The following SMYD1 variants were observed in gnomAD, a reference collection of about 807,000 sequenced individuals.
SMYD1 encodes SET and MYND domain containing 1, also known as histone-lysine N-methyltransferase SMYD1.
Under a neutral mutation model 54.0 loss-of-function variants are expected in SMYD1, and 49 were observed. The ratio of observed to expected loss-of-function variants is 0.91; its 90% CI spans 0.72 to 1.15. SMYD1 has a LOEUF of 1.15. Among genes scored for constraint, SMYD1 ranks in the 50% most tolerant of loss-of-function variants. The pLI is 0.00. For synonymous variants in SMYD1, 269 were observed against 234.2 expected, an observed-to-expected ratio of 1.15 and a Z score of -1.36; for missense variants, 653 against 639.6, an observed-to-expected ratio of 1.02 and a Z score of -0.23.
At chr2:88,110,113 G>C (rs1267521988) in intron 9 of SMYD1, among the ~76,000 whole-genome samples, 1 of 152,014 alleles carries the variant, frequency 6.6e-6, no homozygotes, top group Non-Finnish European at 1.5e-5. Flanking sequence ...TTCTGAGAAC[G>C]GTTCCTTCAG....
Position 88,088,099 on chromosome 2 carries a change from C to T in SMYD1, c.528+24C>T, listed in dbSNP as rs762083199. The T allele has an allele frequency of 1.0e-5, 16 of 1,587,788 alleles. No individual in the cohort carries two copies. In the Admixed American group the frequency reaches 2.4e-4, roughly 24 times the overall value. On this transcript the variant is annotated intron_variant, in intron 3 of 9. Transcript: ENST00000419482. ...TGGTAGGCCCCCTGCGTCCCTTCTC[C>T]ATCCTCCCTGTCTGTCTCCTCTTTC...
rs916857176 is a variant in SMYD1, at chr2:88,112,984, G to C, written c.*2472G>C. ...GATGATTCTCAAATCTGTATTCCCC[G>C]ATCTTGCATTTGAGCTCCAGCCCCA... On this transcript the variant is annotated 3_prime_UTR_variant, in exon 10 of 10. Coordinates refer to ENST00000419482, the MANE Select transcript of SMYD1 (RefSeq NM_198274.4). 1 of 152,074 alleles carries C rather than the reference G, an allele frequency of 6.6e-6. No individual in the cohort carries two copies. Among genetic ancestry groups the C allele is most frequent in the African/African-American group, 2.4e-5 (1 of 41,394 alleles). 9.4% of individuals were successfully genotyped at this position (152,074 alleles called of 1,614,324 possible). A position where few individuals can be genotyped will look rare whatever the true frequency, so the allele number is the denominator to read the frequency against.
At chr2:88,071,004 A>G (rs758758669) in intron 1 of SMYD1, among the ~76,000 whole-genome samples, 1 of 151,658 alleles carries the variant, frequency 6.6e-6, no homozygotes, top group Non-Finnish European at 1.5e-5. Context: ...ATTTCTAAAC[A>G]ATGTATAATT....
rs1674868451 is a variant in SMYD1 at position 88,106,358 on chromosome 2, C to T, written c.1015C>T (p.Gln339Ter). Residue 339 changes from glutamine to a stop codon, truncating the protein, a stop_gained, in exon 8 of 10, where the codon CAG becomes TAG. Transcript: ENST00000419482. LOFTEE classifies it high-confidence loss of function. ...VKLCRECLEK[Q>*]EPVFADTNIY... The stretch of plus-strand genomic sequence containing the variant: ...ATTATGCCGGGAGTGCCTGGAGAAG[C>T]AGGAGCCAGTGTTTGCTGACACCAA... The T allele has an allele frequency of 1.9e-6, 3 of 1,614,174 alleles. No homozygotes were observed. The highest frequency in any genetic ancestry group is 2.5e-6 in the Non-Finnish European group (3 of 1,180,036).
At chr2:88,097,253 A>G (rs1011861224) in intron 6 of SMYD1, among the ~76,000 whole-genome samples, 2 of 152,104 alleles carry the variant, frequency 1.3e-5, no homozygotes, top group Non-Finnish European at 2.9e-5. Context: ...CAGTGTGGAG[A>G]CAGGGCTAGG....
At chr2:88,107,158 G>A (rs867214654) in intron 8 of SMYD1, among the ~76,000 whole-genome samples, 7 of 151,936 alleles carry the variant, frequency 4.6e-5, no homozygotes, top group East Asian at 1.9e-4. Context: ...CCTAGACTGC[G>A]CCACTGCACT....
intron 1 of SMYD1, among the ~76,000 whole-genome samples, chr2:88,080,043 CCTT>C (rs1558848291): frequency 6.6e-6 from 1 of 152,138 alleles, no homozygotes; most frequent in East Asian, 1.9e-4. Flanking sequence ...ATTCTGAGGA[CCTT>C]TGGTTATACA....
At chr2:88,096,805 G>A (rs1674600688) in intron 6 of SMYD1, 21 bp downstream of exon 6, 1 of 1,603,674 alleles carries the variant, frequency 6.2e-7, no homozygotes, top group South Asian at 1.1e-5. Flanking sequence ...CCCTGCTGCT[G>A]AGGTGTTTGT....
At chr2:88,097,277 A>G (rs73947538) in intron 6 of SMYD1, among the ~76,000 whole-genome samples, 10,774 of 152,216 alleles carry the variant, frequency 0.071, 1,214 homozygotes, top group African/African-American at 0.24. Context: ...AGATTGGTCA[A>G]CATCCTGAAC....
At chr2:88,080,069 G>T (rs941276395) in intron 1 of SMYD1, among the ~76,000 whole-genome samples, 2 of 152,210 alleles carry the variant, frequency 1.3e-5, no homozygotes, top group African/African-American at 4.8e-5. Context: ...CAGCCATGTG[G>T]ACTCAACTAC....
chr2:88,108,434 C>T lies in SMYD1; in HGVS notation c.1209C>T (p.Asn403=), dbSNP rs776538766. ...GMAVMRAGLT[N]WHAGNIEVGH... ...CCGTGATGCGGGCAGGGCTGACCAA[C>T]TGGCATGCTGGTAACATTGAGGTGG... Residue 403 remains asparagine, a synonymous_variant, in exon 9 of 10, where the codon AAC becomes AAT. Transcript: ENST00000419482. The T allele has an allele frequency of 6.2e-7, 1 of 1,613,202 alleles. No homozygotes were observed. The highest frequency in any genetic ancestry group is 8.5e-7 in the Non-Finnish European group (1 of 1,179,614).
chr2:88,104,904 C>T lies in SMYD1; in HGVS notation c.982-1421C>T, dbSNP rs534863448. 5.3e-5 allele frequency among the ~76,000 whole-genome samples: 8 copies of T among 152,340 alleles called. No individual in the cohort carries two copies. The South Asian group carries it at 1.7e-3, about 32-fold the overall frequency. On this transcript the variant is annotated intron_variant, in intron 7 of 9. Coordinates refer to ENST00000419482, the MANE Select transcript of SMYD1 (RefSeq NM_198274.4). ...CGATTGCGGTCAGGTCCATCTTTTT[C>T]CTCACCAGGGCCAAGGCTGCATCCT...
intron 4 of SMYD1, among the ~76,000 whole-genome samples, chr2:88,092,605 A>G (rs1369372168): frequency 6.6e-6 from 1 of 152,228 alleles, no homozygotes; most frequent in African/African-American, 2.4e-5. Context: ...GCTCTTAAGT[A>G]ATTGAGAAAG....
At chr2:88,093,038 G>C (rs1000441322) in intron 4 of SMYD1, among the ~76,000 whole-genome samples, 1 of 152,184 alleles carries the variant, frequency 6.6e-6, no homozygotes, top group Non-Finnish European at 1.5e-5. Context: ...ATGGGGTTAG[G>C]GGCCCAATTT....
chr2:88,070,594 G>A (rs1673924358), intron 1 of SMYD1, among the ~76,000 whole-genome samples: 1 of 151,910 alleles, frequency 6.6e-6, no homozygotes. Context: ...CCTGTTGCAT[G>A]CCTGCTCCAA....
At chr2:88,102,271 T>C (rs1674738451) in intron 6 of SMYD1, among the ~76,000 whole-genome samples, 2 of 152,230 alleles carry the variant, frequency 1.3e-5, no homozygotes, top group South Asian at 4.1e-4. Context: ...TTTGAGAAAT[T>C]TGGCTCTTTT....
Position 88,088,054 on chromosome 2 carries a change from C to T in SMYD1, c.507C>T (p.Tyr169=). 1.9e-6 allele frequency: 3 copies of T among 1,613,876 alleles called. No homozygotes were observed. Among genetic ancestry groups the T allele is most frequent in the Non-Finnish European group, 2.5e-6 (3 of 1,179,858 alleles). ...PPQSQQFSMQ[Y]ISHIFGVINC... is the part of the protein sequence containing the mutation. ...AGAGCCAGCAGTTCAGCATGCAGTA[C>T]ATCTCGCACATCTTCGGAGTGGTAG... Residue 169 remains tyrosine, a synonymous_variant, in exon 3 of 10, where the codon TAC becomes TAT. Coordinates refer to ENST00000419482, the MANE Select transcript of SMYD1 (RefSeq NM_198274.4).
chr2:88,084,567 C>A, intron 2 of SMYD1, 75 bp downstream of exon 2: 2 of 1,409,186 alleles, frequency 1.4e-6, no homozygotes, highest in East Asian at 2.4e-5. Context: ...ACAACATTCC[C>A]AGATCTAAGG....
At chr2:88,100,559 T>C (rs1009869606) in intron 6 of SMYD1, among the ~76,000 whole-genome samples, 5 of 152,164 alleles carry the variant, frequency 3.3e-5, no homozygotes, top group African/African-American at 2.4e-5. Context: ...ACTAGAAATG[T>C]AGGTTTGACA....
Sources: allele counts gnomAD v4.1 joint callset (sites outside exome capture counted in the v4.1 genomes callset), GRCh38; gene constraint gnomAD v4.1.1; transcripts MANE v1.5; gene names NCBI Gene and HGNC (gene_info 2026-07-23, HGNC 2026-07-21).